Variants in FNIP2 observed in about 807,000 individuals in gnomAD.
FNIP2 encodes folliculin-interacting protein 2.
Under a neutral mutation model 108.7 loss-of-function variants are expected in FNIP2, and 32 were observed. The ratio of observed to expected loss-of-function variants is 0.29; its 90% confidence interval spans 0.22 to 0.40. The LOEUF (loss-of-function observed/expected upper bound fraction) is 0.40. Among genes scored for constraint, FNIP2 ranks in the 10% least tolerant of loss-of-function variants. The pLI is 1.00. For synonymous variants in FNIP2, 480 were observed against 496.7 expected (o/e 0.97, Z 0.45); for missense variants, 1,202 against 1,381.6 (o/e 0.87, Z 2.06).
At chr4:158,865,280 AATTAT>A (rs1247752298) in intron 12 of FNIP2, among the ~76,000 whole-genome samples, 1 of 152,206 alleles carries the variant, frequency 6.6e-6, no homozygotes, top group Non-Finnish European at 1.5e-5. Context: ...CATTTTAAAA[AATTAT>A]ATTCATGAAA....
chr4:158,851,661 C>G (rs1357945504), intron 8 of FNIP2, among the ~76,000 whole-genome samples: 1 of 152,198 alleles, frequency 6.6e-6, no homozygotes, highest in Non-Finnish European at 1.5e-5. Context: ...TTGGAAGACA[C>G]TGGGGAGTAT....
chr4:158,904,592 C>G lies in FNIP2; in HGVS notation c.*48C>G. Reference sequence around the variant, plus strand: ...CCTTGGAAGAAAAAAATCAAATTCTCAACTGAAGGAGAAAGGAATAAGCTC... The same window carrying G: ...CCTTGGAAGAAAAAAATCAAATTCTGAACTGAAGGAGAAAGGAATAAGCTC... On this transcript the variant is annotated 3_prime_UTR_variant, in exon 17 of 17. Coordinates refer to ENST00000264433, the MANE Select transcript of FNIP2 (RefSeq NM_020840.3). The G allele has an allele frequency of 2.0e-6, 3 of 1,488,050 alleles. No homozygotes were observed. Among genetic ancestry groups the G allele is most frequent in the Non-Finnish European group, 2.8e-6 (3 of 1,072,020 alleles). 92.2% of individuals were successfully genotyped at this position (1,488,050 alleles called of 1,614,324 possible).
At chr4:158,854,080 G>A (rs1284279638) in intron 8 of FNIP2, among the ~76,000 whole-genome samples, 1 of 152,176 alleles carries the variant, frequency 6.6e-6, no homozygotes, top group South Asian at 2.1e-4. Flanking sequence ...CTATGCCTAT[G>A]AATATTTACT....
chr4:158,772,331 C>T (rs961173366), intron 1 of FNIP2, among the ~76,000 whole-genome samples: 2 of 152,180 alleles, frequency 1.3e-5, no homozygotes, highest in Non-Finnish European at 2.9e-5. Flanking sequence ...TCAAGCCACG[C>T]TATGTCCAGT....
At chr4:158,812,827 T>A (rs2126514411) in intron 1 of FNIP2, among the ~76,000 whole-genome samples, 1 of 151,534 alleles carries the variant, frequency 6.6e-6, no homozygotes, top group South Asian at 2.1e-4. Context: ...TATAATGACA[T>A]GTATCCACTA....
intron 14 of FNIP2, among the ~76,000 whole-genome samples, chr4:158,884,869 A>G (rs1243634533): frequency 6.6e-6 from 1 of 151,978 alleles, no homozygotes; most frequent in Non-Finnish European, 1.5e-5. Flanking sequence ...GGCCAGCCAC[A>G]GAGGCTCATG....
chr4:158,835,558 T>A, intron 7 of FNIP2, 82 bp downstream of exon 7: 1 of 1,223,076 alleles, frequency 8.2e-7, no homozygotes, highest in Non-Finnish European at 1.2e-6. Context: ...AGAAGACAGG[T>A]AGATAACCCT....
At chr4:158,899,112 G>A (rs548832345) in intron 16 of FNIP2, among the ~76,000 whole-genome samples, 98 of 152,284 alleles carry the variant, frequency 6.4e-4, no homozygotes, top group Admixed American at 9.8e-4. Flanking sequence ...TAATCATCTG[G>A]TTTTTGTCAC....
chr4:158,823,357 C>T (rs1777988528), intron 1 of FNIP2, among the ~76,000 whole-genome samples: 7 of 152,064 alleles, frequency 4.6e-5, no homozygotes. Flanking sequence ...CCTCTGTCTC[C>T]CAAGTTCAAG....
intron 1 of FNIP2, among the ~76,000 whole-genome samples, chr4:158,798,202 T>C (rs1420273306): frequency 6.6e-6 from 1 of 152,026 alleles, no homozygotes; most frequent in Non-Finnish European, 1.5e-5. Flanking sequence ...GTAGTTAGCA[T>C]TACACGCACG....
At chr4:158,872,748 T>A (rs1398255291) in intron 14 of FNIP2, 1 of 976,820 alleles carries the variant, frequency 1.0e-6, no homozygotes, top group Non-Finnish European at 1.2e-6. Flanking sequence ...TTTTTTTTTT[T>A]TTTAAAAAAC....
intron 13 of FNIP2, 42 bp from the exon 14 acceptor site, chr4:158,870,271 C>T: frequency 6.3e-7 from 1 of 1,591,164 alleles, no homozygotes; most frequent in Non-Finnish European, 8.6e-7. Flanking sequence ...GAAAAAAGTA[C>T]ATTTTTAGCT....
At chr4:158,869,996 G>A (rs1780844340) in intron 13 of FNIP2, among the ~76,000 whole-genome samples, 1 of 152,246 alleles carries the variant, frequency 6.6e-6, no homozygotes, top group Non-Finnish European at 1.5e-5. Flanking sequence ...GATTCCTAAA[G>A]CCAGGCTTTT....
chr4:158,820,669 T>C (rs1777834588), intron 1 of FNIP2, among the ~76,000 whole-genome samples: 1 of 150,112 alleles, frequency 6.7e-6, no homozygotes, highest in Admixed American at 6.7e-5. Flanking sequence ...TCATTTGCTG[T>C]GTGGTTCTTC....
At chr4:158,833,363 G>GC (rs1257423484) in intron 5 of FNIP2, among the ~76,000 whole-genome samples, 165 bp from the exon 6 acceptor site, 1 of 152,172 alleles carries the variant, frequency 6.6e-6, no homozygotes, top group Non-Finnish European at 1.5e-5. Flanking sequence ...ACCTGAAGTT[G>GC]CAAGTTTAAT....
At chr4:158,844,919 G>T (rs1779316821) in intron 7 of FNIP2, among the ~76,000 whole-genome samples, 1 of 152,174 alleles carries the variant, frequency 6.6e-6, no homozygotes, top group African/African-American at 2.4e-5. Flanking sequence ...TTTTCTTGTT[G>T]TTAATCTCTG....
intron 14 of FNIP2, among the ~76,000 whole-genome samples, chr4:158,883,573 C>T (rs1018946340): frequency 6.6e-6 from 1 of 152,174 alleles, no homozygotes; most frequent in African/African-American, 2.4e-5. Context: ...TTCCCAGTGG[C>T]TTATCCCTGA....
At chr4:158,791,266 C>CTTTT (rs199714823) in intron 1 of FNIP2, among the ~76,000 whole-genome samples, 11 of 98,080 alleles carry the variant, frequency 1.1e-4, no homozygotes, top group East Asian at 1.0e-3. Context: ...ACTGAGGATC[C>CTTTT]TTTTTTTTTT....
At chr4:158,784,349 C>T (rs1051230192) in intron 1 of FNIP2, among the ~76,000 whole-genome samples, 1 of 152,294 alleles carries the variant, frequency 6.6e-6, no homozygotes. Context: ...GCATGCTGCT[C>T]CCTTTAAACC....
Sources: gnomAD v4.1 joint callset for allele counts (sites outside exome capture counted in the v4.1 genomes callset) on GRCh38, gnomAD v4.1.1 for gene constraint, MANE v1.5 for transcripts, NCBI Gene and HGNC (gene_info 2026-07-23, HGNC 2026-07-21) for gene names.